The following RGS7 variants were observed in gnomAD, a reference collection of about 807,000 sequenced individuals.
RGS7 encodes the protein regulator of G protein signaling 7, also known as regulator of G-protein signaling 7.
RGS7 carries 27 observed loss-of-function variants against 81.1 expected under a neutral mutation model. That is an observed-to-expected ratio of 0.33 (90% CI 0.25 to 0.46). The LOEUF (loss-of-function observed/expected upper bound fraction) is 0.46, where lower values mean the gene tolerates loss of function less well. RGS7 is among the 20% of genes least tolerant of loss of function. The pLI, the probability that RGS7 is intolerant of heterozygous loss-of-function variation, is 1.00. For missense variants in RGS7, 396 were observed against 607.4 expected, an observed-to-expected ratio of 0.65 and a Z score of 3.66; for synonymous variants, 208 against 207.7, an observed-to-expected ratio of 1.00 and a Z score of -0.01.
intron 9 of RGS7, among the ~76,000 whole-genome samples, chr1:240,858,133 A>G (rs1022877579): frequency 2.0e-5 from 3 of 152,202 alleles, no homozygotes; most frequent in African/African-American, 7.2e-5. Context: ...TGAATATACC[A>G]TAGTTATTTT....
chr1:240,999,821 C>T (rs654636), intron 3 of RGS7, among the ~76,000 whole-genome samples: 84,851 of 151,528 alleles, frequency 0.56, 24,180 homozygotes, highest in African/African-American at 0.66. Flanking sequence ...CAGGCTGTTC[C>T]CAAACTCTTG....
chr1:241,094,221 A>T (rs184414444), intron 3 of RGS7, among the ~76,000 whole-genome samples: 1 of 150,998 alleles, frequency 6.6e-6, no homozygotes, highest in East Asian at 2.0e-4. Context: ...ACATTGCCTC[A>T]GTGCCAGACA....
At chr1:241,267,798 T>A (rs1186348014) in intron 2 of RGS7, among the ~76,000 whole-genome samples, 1 of 152,236 alleles carries the variant, frequency 6.6e-6, no homozygotes, top group African/African-American at 2.4e-5. Flanking sequence ...CTCTTTAGCA[T>A]AGAATCAATG....
At chr1:240,777,263 CAA>C (rs35840029) in intron 18 of RGS7, among the ~76,000 whole-genome samples, 19,918 of 151,580 alleles carry the variant, frequency 0.13, 2,015 homozygotes, top group African/African-American at 0.28. Context: ...GCCTGGGTGA[CAA>C]GAGCGAGACT....
intron 3 of RGS7, among the ~76,000 whole-genome samples, chr1:241,015,144 G>GT (rs1449768806): frequency 1.3e-5 from 2 of 152,266 alleles, no homozygotes; most frequent in East Asian, 3.9e-4. Flanking sequence ...AAAAGCTTTA[G>GT]TTTTCATCTC....
intron 6 of RGS7, among the ~76,000 whole-genome samples, chr1:240,894,757 T>C (rs899435828): frequency 9.9e-5 from 15 of 152,182 alleles, no homozygotes; most frequent in Admixed American, 2.0e-4. Flanking sequence ...TCAATCTGTT[T>C]ACTTTTCTTT....
intron 9 of RGS7, among the ~76,000 whole-genome samples, chr1:240,849,387 C>T (rs1659676898): frequency 6.6e-6 from 1 of 152,150 alleles, no homozygotes; most frequent in Non-Finnish European, 1.5e-5. Flanking sequence ...TCATTCCTGG[C>T]TCCTCTCAAA....
intron 2 of RGS7, among the ~76,000 whole-genome samples, chr1:241,245,809 A>AAAAC (rs1224933996): frequency 1.3e-5 from 2 of 149,450 alleles, no homozygotes; most frequent in African/African-American, 2.5e-5. Context: ...TCCACCTCAA[A>AAAAC]AAACAAACAA....
intron 2 of RGS7, among the ~76,000 whole-genome samples, chr1:241,202,768 A>AG (rs1036628566): frequency 6.6e-6 from 1 of 150,754 alleles, no homozygotes; most frequent in African/African-American, 2.5e-5. Flanking sequence ...GGAGGAGTGT[A>AG]GGGGGCAGTT....
chr1:240,986,336 C>T (rs1685661137), intron 3 of RGS7, among the ~76,000 whole-genome samples: 1 of 152,190 alleles, frequency 6.6e-6, no homozygotes, highest in Admixed American at 6.5e-5. Flanking sequence ...CATGATTTTG[C>T]TAATGCTCTT....
chr1:240,861,682 C>T (rs1387891018), intron 9 of RGS7, among the ~76,000 whole-genome samples: 1 of 152,108 alleles, frequency 6.6e-6, no homozygotes, highest in African/African-American at 2.4e-5. Context: ...TAGGAAGACA[C>T]TTTCCATGGG....
intron 2 of RGS7, among the ~76,000 whole-genome samples, chr1:241,106,743 A>ACAC (rs1198425852): frequency 1.8e-3 from 172 of 95,884 alleles, no homozygotes; most frequent in African/African-American, 6.5e-3. Context: ...AAAAAAACCA[A>ACAC]CACCACCACC....
intron 3 of RGS7, among the ~76,000 whole-genome samples, chr1:241,078,018 G>T (rs569433852): frequency 9.3e-5 from 14 of 151,282 alleles, no homozygotes; most frequent in South Asian, 4.2e-4. Flanking sequence ...GAGAGAGAGA[G>T]ATATATATAC....
intron 4 of RGS7, among the ~76,000 whole-genome samples, chr1:240,965,506 A>C (rs143076803): frequency 6.6e-6 from 1 of 152,182 alleles, no homozygotes; most frequent in African/African-American, 2.4e-5. Context: ...GTATTTCCTT[A>C]CAGCAAGTGC....
chr1:241,231,897 C>T (rs2075682812), intron 2 of RGS7, among the ~76,000 whole-genome samples: 1 of 152,098 alleles, frequency 6.6e-6, no homozygotes, highest in Non-Finnish European at 1.5e-5. Flanking sequence ...AAACTCATTG[C>T]CTAACTCAAG....
At chr1:241,110,916 C>T (rs973088734) in intron 2 of RGS7, among the ~76,000 whole-genome samples, 2 of 152,090 alleles carry the variant, frequency 1.3e-5, no homozygotes, top group Non-Finnish European at 2.9e-5. Context: ...AATTCCTGAC[C>T]TCAAGTGATC....
chr1:241,336,042 C>T (rs963463064), intron 2 of RGS7, among the ~76,000 whole-genome samples: 1 of 152,020 alleles, frequency 6.6e-6, no homozygotes, highest in Non-Finnish European at 1.5e-5. Context: ...TAGCATCCAA[C>T]ATTTTTTATG....
intron 2 of RGS7, among the ~76,000 whole-genome samples, chr1:241,134,225 C>G (rs888438180): frequency 4.6e-5 from 7 of 152,220 alleles, no homozygotes; most frequent in African/African-American, 1.7e-4. Context: ...CAACGAAGAA[C>G]AGCCATCCTC....
intron 3 of RGS7, among the ~76,000 whole-genome samples, chr1:241,098,377 C>T (rs1264228948): frequency 1.3e-5 from 2 of 152,148 alleles, no homozygotes; most frequent in Non-Finnish European, 2.9e-5. Flanking sequence ...CCATATACAA[C>T]CTTCATAACA....
Sources: gnomAD v4.1 joint callset for allele counts (sites outside exome capture counted in the v4.1 genomes callset) on GRCh38, gnomAD v4.1.1 for gene constraint, MANE v1.5 for transcripts, NCBI Gene and HGNC (gene_info 2026-07-23, HGNC 2026-07-21) for gene names.